Variants in HSPA4L observed in about 807,000 individuals in gnomAD.
The protein encoded by HSPA4L is heat shock 70 kDa protein 4L.
A neutral mutation model predicts 100.3 loss-of-function variants in HSPA4L; 48 were observed. The observed-to-expected ratio is 0.48, with a 90% CI of 0.38 to 0.61. HSPA4L has a LOEUF of 0.61. HSPA4L is among the 20% of genes least tolerant of loss of function. The pLI is 0.00. For synonymous variants in HSPA4L, 319 were observed against 328.2 expected (o/e 0.97, Z 0.30); for missense variants, 886 against 988.6 (o/e 0.90, Z 1.39).
chr4:127,795,918 A>G lies in HSPA4L; in HGVS notation c.306+10A>G, dbSNP rs1249572777. 3.7e-6 allele frequency: 6 copies of G among 1,612,274 alleles called. No homozygotes were observed. Among genetic ancestry groups the G allele is most frequent in the East Asian group, 2.2e-5 (1 of 44,848 alleles). The stretch of plus-strand genomic sequence containing the variant: ...AAGTGCAGGAGTTAAGGTAAGCTTT[A>G]TATTCCCAGGGTTACAAACATATCT... On this transcript the variant is annotated intron_variant, in intron 3 of 18. Coordinates refer to ENST00000296464, the MANE Select transcript of HSPA4L (RefSeq NM_014278.4).
At chr4:127,781,873 G>C, upstream of HSPA4L, 1 of 345,388 alleles carries the variant, frequency 2.9e-6, no homozygotes, top group South Asian at 2.0e-5. Context: ...GAGGGCAGGG[G>C]GTGAGGGGGC....
chr4:127,795,889 A>G lies in HSPA4L; in HGVS notation c.287A>G (p.Asn96Ser). ...CCCTATGAACTGCAGAAAATGCCTA[A>G]TGGAAGTGCAGGAGTTAAGGTAAGC... ...RLPYELQKMP[N>S]GSAGVKVRYL... Residue 96 changes from asparagine (N) to serine (S), a missense_variant, in exon 3 of 19, where the codon AAT becomes AGT. Physicochemically the swap from Asn to Ser is conservative, Grantham distance 46. Coordinates refer to ENST00000296464, the MANE Select transcript of HSPA4L (RefSeq NM_014278.4). The G allele has an allele frequency of 9.9e-6, 16 of 1,613,700 alleles. 2 individuals are homozygous for G. The South Asian group carries it at 1.6e-4, about 17-fold the overall frequency.
chr4:127,788,413 C>T (rs1337681735), intron 1 of HSPA4L, among the ~76,000 whole-genome samples: 1 of 152,126 alleles, frequency 6.6e-6, no homozygotes. Context: ...GAGCATTCTT[C>T]CCCCTCCCCC....
chr4:127,833,830 C>T lies in HSPA4L; in HGVS notation c.*956C>T, dbSNP rs1215498643. The T allele has an allele frequency of 6.6e-6, 1 of 152,006 alleles. No homozygotes were observed. The highest frequency in any genetic ancestry group is 1.5e-5 in the Non-Finnish European group (1 of 67,966). The allele number at this position is 152,006 out of a possible 1,614,324, so 9.4% of individuals were successfully genotyped here. On this transcript the variant is annotated 3_prime_UTR_variant, in exon 19 of 19. Transcript: ENST00000296464. ...TTTATCATTGATTTACCTAATGTTA[C>T]CTTGTAGATTAAACACTATTAAGTG... is the stretch of plus-strand genomic sequence containing the variant.
chr4:127,800,119 T>C (rs1171948560), intron 4 of HSPA4L, among the ~76,000 whole-genome samples: 1 of 152,210 alleles, frequency 6.6e-6, no homozygotes, highest in East Asian at 1.9e-4. Context: ...TATACATACG[T>C]ACATCTTTAT....
intron 3 of HSPA4L, among the ~76,000 whole-genome samples, chr4:127,797,906 T>C (rs964355077): frequency 1.3e-5 from 2 of 152,174 alleles, no homozygotes; most frequent in Admixed American, 6.5e-5. Flanking sequence ...AAGAATACTG[T>C]ATGATCATGC....
intron 12 of HSPA4L, among the ~76,000 whole-genome samples, chr4:127,813,712 G>T (rs1186277724): frequency 6.6e-6 from 1 of 152,066 alleles, no homozygotes; most frequent in Non-Finnish European, 1.5e-5. Flanking sequence ...GCACAATCTC[G>T]GCCCACTACA....
rs200001044 is a variant in HSPA4L at position 127,820,464 on chromosome 4, A to C, written c.1711A>C (p.Thr571Pro). The change falls in exon 14 of 19, where the codon ACA becomes CCA. Residue 571 changes from threonine (T) to proline (P), a missense_variant. By Grantham distance (38) the Thr-to-Pro change is conservative. Coordinates refer to ENST00000296464, the MANE Select transcript of HSPA4L (RefSeq NM_014278.4). ...AGACAAACAAGACCGATTAAATCAG[A>C]CACTTAAAAAAGGAAAAGTCAAAAG... The part of the protein sequence containing the change: ...VSDKQDRLNQ[T>P]LKKGKVKSID... 20 of 1,604,682 alleles carry C rather than the reference A, an allele frequency of 1.2e-5. No individual in the cohort carries two copies. The highest frequency in any genetic ancestry group is 1.7e-5 in the Non-Finnish European group (20 of 1,176,324).
At chr4:127,783,661 A>G (rs973989175) in intron 1 of HSPA4L, 49 of 1,535,508 alleles carry the variant, frequency 3.2e-5, no homozygotes, top group Middle Eastern at 1.7e-4. Context: ...TATGAAACCT[A>G]TATTACTTTT....
rs1275575023 is a variant in HSPA4L at position 127,833,821 on chromosome 4, C to T, written c.*947C>T. On this transcript the variant is annotated 3_prime_UTR_variant, in exon 19 of 19. Transcript: ENST00000296464. The stretch of plus-strand genomic sequence containing the variant: ...TTATATACATTTATCATTGATTTAC[C>T]TAATGTTACCTTGTAGATTAAACAC... 6.6e-6 allele frequency: 1 copy of T among 152,026 alleles called. No homozygotes were observed. The highest frequency in any genetic ancestry group is 1.5e-5 in the Non-Finnish European group (1 of 67,982). 9.4% of individuals were successfully genotyped at this position (152,026 alleles called of 1,614,324 possible).
chr4:127,808,077 A>G lies in HSPA4L; in HGVS notation c.1326A>G (p.Leu442=). The part of the protein sequence containing the change: ...ITFHKKEPFE[L]EAFYTNLHEV... ...TCCACAAGAAGGAACCATTTGAACT[A>G]GAAGCATTTTATACTAATTTACATG... The change falls in exon 11 of 19, where the codon CTA becomes CTG. Residue 442 remains leucine (L), a synonymous_variant. Coordinates refer to ENST00000296464, the MANE Select transcript of HSPA4L (RefSeq NM_014278.4). 8 of 1,612,770 alleles carry G rather than the reference A, an allele frequency of 5.0e-6. No individual in the cohort carries two copies. The highest frequency in any genetic ancestry group is 6.8e-6 in the Non-Finnish European group (8 of 1,179,108).
At chr4:127,813,898 C>T (rs1733607321) in intron 12 of HSPA4L, among the ~76,000 whole-genome samples, 1 of 152,188 alleles carries the variant, frequency 6.6e-6, no homozygotes, top group Admixed American at 6.5e-5. Flanking sequence ...TCCAACTCGG[C>T]CTCCCAAAGT....
intron 10 of HSPA4L, among the ~76,000 whole-genome samples, chr4:127,807,561 C>T (rs1382441550): frequency 6.6e-6 from 1 of 151,934 alleles, no homozygotes; most frequent in Non-Finnish European, 1.5e-5. Context: ...TACAAGTGTT[C>T]CTTGTCCTAT....
Position 127,838,058 on chromosome 4 carries a change from C to G in HSPA4L, c.*5184C>G, listed in dbSNP as rs1272885897. The G allele has an allele frequency of 6.6e-6, 1 of 152,238 alleles. No homozygotes were observed. Among genetic ancestry groups the G allele is most frequent in the East Asian group, 1.9e-4 (1 of 5,202 alleles). 9.4% of individuals were successfully genotyped at this position (152,238 alleles called of 1,614,324 possible). Reference sequence around the variant, plus strand: ...CTTCAAATGATCCACCCACATCCACCTGCCAGAGTGCTGAGATTACAGGCG... The same window carrying G: ...CTTCAAATGATCCACCCACATCCACGTGCCAGAGTGCTGAGATTACAGGCG... On this transcript the variant is annotated 3_prime_UTR_variant, in exon 19 of 19. Transcript: ENST00000296464.
rs1733869243 is a variant in HSPA4L, at chr4:127,823,587, C to G, written c.2009C>G (p.Pro670Arg). The change falls in exon 16 of 19, where the codon CCT becomes CGT. Residue 670 changes from proline (P) to arginine (R), a missense_variant. By Grantham distance (103) the Pro-to-Arg change is moderately radical. Transcript: ENST00000296464. Reference protein sequence around the residue: ...NWLYEDGEDQPKQVYVDKLQE... With the variant: ...NWLYEDGEDQRKQVYVDKLQE... ...CTTTATGAAGACGGAGAGGACCAAC[C>G]TAAACAAGTTTATGTGGATAAGCTT... The G allele has an allele frequency of 6.2e-7, 1 of 1,613,176 alleles. No homozygotes were observed. The highest frequency in any genetic ancestry group is 1.3e-5 in the African/African-American group (1 of 74,876).
Position 127,836,179 on chromosome 4 carries a change from A to C in HSPA4L, c.*3305A>C, listed in dbSNP as rs1050830008. On this transcript the variant is annotated 3_prime_UTR_variant, in exon 19 of 19. Transcript: ENST00000296464. Reference sequence around the variant, plus strand: ...TCAGGAGATCAAGACCATCCTGGCTAACACGGTGAAACCCCGTCTCTACTA... The same window carrying C: ...TCAGGAGATCAAGACCATCCTGGCTCACACGGTGAAACCCCGTCTCTACTA... The C allele has an allele frequency of 2.0e-5, 3 of 152,456 alleles. No individual in the cohort carries two copies. Among genetic ancestry groups the C allele is most frequent in the Non-Finnish European group, 4.4e-5 (3 of 68,292 alleles). The allele number at this position is 152,456 out of a possible 1,614,324, so 9.4% of individuals were successfully genotyped here. A position where few individuals can be genotyped will look rare whatever the true frequency, so the allele number is the denominator to read the frequency against.
Position 127,795,754 on chromosome 4 carries a change from T to C in HSPA4L, c.166-14T>C, listed in dbSNP as rs765686750. 1 of 1,612,638 alleles carries C rather than the reference T, an allele frequency of 6.2e-7. No individual in the cohort carries two copies. The highest frequency in any genetic ancestry group is 2.2e-5 in the East Asian group (1 of 44,832). ...ATTAGGTAACTGATAAATACAAGTG[T>C]TTACTGCCAACAGATAGTCACGAAC... On this transcript the variant is annotated splice_polypyrimidine_tract_variant and intron_variant, in intron 2 of 18. Coordinates refer to ENST00000296464, the MANE Select transcript of HSPA4L (RefSeq NM_014278.4).
chr4:127,815,147 A>G (rs1030620599), intron 12 of HSPA4L, among the ~76,000 whole-genome samples: 6 of 151,024 alleles, frequency 4.0e-5, no homozygotes, highest in African/African-American at 1.5e-4. Context: ...TTTTTTTTCT[A>G]TGAGGGTCAG....
At chr4:127,782,259 C>G, upstream of HSPA4L, 1 of 425,660 alleles carries the variant, frequency 2.3e-6, no homozygotes, top group Non-Finnish European at 4.3e-6. Flanking sequence ...TCGCGCGCCT[C>G]CCGGGCAGCC....
Sources: allele counts gnomAD v4.1 joint callset (sites outside exome capture counted in the v4.1 genomes callset), GRCh38; gene constraint gnomAD v4.1.1; transcripts MANE v1.5; gene names NCBI Gene and HGNC (gene_info 2026-07-23, HGNC 2026-07-21).